The following TNC variants were observed in gnomAD, a reference collection of about 807,000 sequenced individuals.
TNC encodes tenascin.
Under a neutral mutation model 202.4 loss-of-function variants are expected in TNC, and 109 were observed. The ratio of observed to expected loss-of-function variants is 0.54; its 90% CI spans 0.46 to 0.63. The LOEUF is 0.63. TNC is among the 30% of genes least tolerant of loss of function. TNC has a pLI of 0.00. For missense variants in TNC, 2,756 were observed against 2,833.3 expected (o/e 0.97, Z 0.62); for synonymous variants, 1,007 against 1,089.7 (o/e 0.92, Z 1.50).
intron 1 of TNC, among the ~76,000 whole-genome samples, chr9:115,103,351 A>T (rs1365565178): frequency 1.3e-5 from 2 of 152,182 alleles, no homozygotes; most frequent in Admixed American, 1.3e-4. Context: ...TTTCAATTTC[A>T]TTGCAGTATT....
At chr9:115,093,594 C>A (rs908260134) in intron 1 of TNC, among the ~76,000 whole-genome samples, 1 of 152,074 alleles carries the variant, frequency 6.6e-6, no homozygotes, top group African/African-American at 2.4e-5. Flanking sequence ...GTTCTACTTT[C>A]CTACCCCTTT....
In TNC at chr9:115,020,546, G is replaced by A; in HGVS notation, c.*611C>T. Reference sequence around the variant, plus strand: ...CAAAATAACAAACTCAAAAGTACTTGTGCTTTTATTTAAAAAAAAAATACA... The same window carrying A: ...CAAAATAACAAACTCAAAAGTACTTATGCTTTTATTTAAAAAAAAAATACA... On this transcript the variant is annotated 3_prime_UTR_variant, in exon 28 of 28. Transcript: ENST00000350763. The A allele has an allele frequency of 4.6e-6, 1 of 215,368 alleles. No homozygotes were observed. Among genetic ancestry groups the A allele is most frequent in the Non-Finnish European group, 9.2e-6 (1 of 108,820 alleles). The allele number at this position is 215,368 out of a possible 1,614,324, so 13.3% of individuals were successfully genotyped here.
intron 22 of TNC, 111 bp downstream of exon 22, chr9:115,035,090 TCAG>T: frequency 7.7e-7 from 1 of 1,297,718 alleles, no homozygotes; most frequent in African/African-American, 1.5e-5. Flanking sequence ...ATTTTTTTTT[TCAG>T]CTCCCCAGAT....
At position 115,054,196 on chromosome 9, in the gene TNC, T is replaced by G. The variant is rs1045470397; in HGVS notation, c.4579+2957A>C. Among the ~76,000 whole-genome samples the G allele has an allele frequency of 3.9e-5, 6 of 152,104 alleles. No individual in the cohort carries two copies. In the East Asian group the frequency reaches 1.2e-3, roughly 29 times the overall value. On this transcript the variant is annotated intron_variant, in intron 15 of 27. Transcript: ENST00000350763. ...GAGTTATTTTGCTTCAGCTCCAAAG[T>G]TTGGAGGAAAGAAGGGGCTCATTTG...
chr9:115,107,563 A>G (rs1249707554), intron 1 of TNC, among the ~76,000 whole-genome samples: 1 of 152,228 alleles, frequency 6.6e-6, no homozygotes, highest in Admixed American at 6.5e-5. Flanking sequence ...ATTTGTCATG[A>G]CAACCTGGTG....
At chr9:115,042,450 T>A in intron 17 of TNC, 109 bp from the exon 18 acceptor site, 10 of 1,457,158 alleles carry the variant, frequency 6.9e-6, no homozygotes, top group Non-Finnish European at 9.3e-6. Context: ...AGAATTTGTG[T>A]CTGAGCCAAG....
intron 1 of TNC, among the ~76,000 whole-genome samples, chr9:115,110,114 G>A (rs530629223): frequency 2.0e-4 from 30 of 152,298 alleles, no homozygotes; most frequent in African/African-American, 7.0e-4. Flanking sequence ...AATTTACCTG[G>A]AGGAAGTGGT....
At chr9:115,065,469 A>G (rs1588107546) in intron 10 of TNC, among the ~76,000 whole-genome samples, 1 of 152,172 alleles carries the variant, frequency 6.6e-6, no homozygotes, top group Admixed American at 6.5e-5. Flanking sequence ...GTATTTTCCT[A>G]TTGATCAGTG....
chr9:115,046,825 A>T, intron 16 of TNC, 143 bp from the exon 17 acceptor site: 1 of 940,612 alleles, frequency 1.1e-6, no homozygotes, highest in Non-Finnish European at 1.6e-6. Flanking sequence ...CCAAAAATAA[A>T]ATCATTCAAC....
intron 15 of TNC, chr9:115,052,622 TTAAAAA>T: frequency 1.7e-6 from 1 of 597,730 alleles, no homozygotes. Context: ...TATTTGTCAA[TTAAAAA>T]TAAGAGAGTA....
intron 9 of TNC, among the ~76,000 whole-genome samples, chr9:115,074,827 C>T (rs1833719297): frequency 6.6e-6 from 1 of 152,054 alleles, no homozygotes; most frequent in African/African-American, 2.4e-5. Context: ...TGAGTGTATG[C>T]AAAACTGGTG....
At position 115,024,017 on chromosome 9, in the gene TNC, G is replaced by A. The variant is rs376961461; in HGVS notation, c.6451C>T (p.Arg2151Cys). 61 of 1,613,996 alleles carry A rather than the reference G, an allele frequency of 3.8e-5. No individual in the cohort carries two copies. The highest frequency in any genetic ancestry group is 1.6e-4 in the Middle Eastern group (1 of 6,082). ...CCATATCTCCCCATCAGGTTGACAC[G>A]GTGACAGTTCCTGTACCAGAAAGCC... ...KGAFWYRNCHRVNLMGRYGDN... is the reference protein window; with the variant it reads ...KGAFWYRNCHCVNLMGRYGDN... The change falls in exon 27 of 28, where the codon CGT (arginine) becomes TGT (cysteine). Residue 2151 changes from arginine to cysteine, a missense_variant. Coordinates refer to ENST00000350763, the MANE Select transcript of TNC (RefSeq NM_002160.4).
intron 13 of TNC, 74 bp downstream of exon 13, chr9:115,062,843 A>G: frequency 6.6e-7 from 1 of 1,519,940 alleles, no homozygotes; most frequent in Admixed American, 1.9e-5. Context: ...ATTCTGCCAC[A>G]CGGGTGAATT....
At position 115,064,868 on chromosome 9, in the gene TNC, C is replaced by T; in HGVS notation, c.3266G>A (p.Gly1089Asp). Residue 1089 changes from glycine (G) to aspartate (D), a missense_variant, in exon 11 of 28, where the codon GGC becomes GAC. Transcript: ENST00000350763. Reference protein sequence around the residue: ...NLTVTEVGWDGLRLNWTAADQ... With the variant: ...NLTVTEVGWDDLRLNWTAADQ... ...AGCTGCGGTCCAGTTGAGTCTGAGG[C>T]CATCCCAGCCAACCTCAGTCACGGT... 1.2e-6 allele frequency: 2 copies of T among 1,614,146 alleles called. No individual in the cohort carries two copies. Among genetic ancestry groups the T allele is most frequent in the Non-Finnish European group, 1.7e-6 (2 of 1,180,026 alleles).
rs61729505 is a variant in TNC, at chr9:115,059,854, C to T, written c.4182G>A (p.Thr1394=). 21,097 of 1,614,088 alleles carry T rather than the reference C, an allele frequency of 0.013. 173 individuals are homozygous for T. The highest frequency in any genetic ancestry group is 0.016 in the Non-Finnish European group (18,478 of 1,180,002). The part of the protein sequence containing the change: ...VNKVEAAQNL[T]LPGSLRAVDI... ...CCACAGCCCTGAGGCTGCCAGGCAA[C>T]GTGAGGTTCTGGGCTGCCTCCACTT... The change falls in exon 14 of 28, where the codon ACG becomes ACA. Residue 1394 remains threonine, a synonymous_variant. Coordinates refer to ENST00000350763, the MANE Select transcript of TNC (RefSeq NM_002160.4).
chr9:115,030,450 T>G, intron 23 of TNC, 45 bp from the exon 24 acceptor site: 1 of 1,569,748 alleles, frequency 6.4e-7, no homozygotes. Flanking sequence ...GCAGGAGGAC[T>G]GAGCTGGAGC....
intron 25 of TNC, among the ~76,000 whole-genome samples, chr9:115,027,034 G>A (rs1214954777): frequency 6.6e-6 from 1 of 151,476 alleles, no homozygotes; most frequent in African/African-American, 2.4e-5. Flanking sequence ...GCTTGAACCC[G>A]AGAGGCAGAA....
chr9:115,087,074 C>T lies in TNC; in HGVS notation c.657G>A (p.Leu219=), dbSNP rs755097384. The T allele has an allele frequency of 6.2e-7, 1 of 1,613,616 alleles. No homozygotes were observed. Among genetic ancestry groups the T allele is most frequent in the African/African-American group, 1.3e-5 (1 of 74,782 alleles). ...DGFTGEDCSQ[L]ACPSDCNDQG... Reference sequence around the variant, plus strand: ...GGTCATTGCAGTCGCTGGGGCAAGCCAGCTGGCTGCAGTCCTCGCCCGTGA... The same window carrying T: ...GGTCATTGCAGTCGCTGGGGCAAGCTAGCTGGCTGCAGTCCTCGCCCGTGA... The change falls in exon 3 of 28, where the codon CTG becomes CTA. Residue 219 remains leucine (L), a synonymous_variant. Coordinates refer to ENST00000350763, the MANE Select transcript of TNC (RefSeq NM_002160.4).
chr9:115,041,849 A>T (rs977742792), intron 18 of TNC, among the ~76,000 whole-genome samples: 2 of 152,224 alleles, frequency 1.3e-5, no homozygotes, highest in Admixed American at 1.3e-4. Flanking sequence ...CAGATTTGGT[A>T]CCCAAAGGTA....
Sources: allele counts gnomAD v4.1 joint callset (sites outside exome capture counted in the v4.1 genomes callset), GRCh38; gene constraint gnomAD v4.1.1; transcripts MANE v1.5; gene names NCBI Gene and HGNC (gene_info 2026-07-23, HGNC 2026-07-21).